The following LRBA variants were observed in gnomAD, a reference collection of about 807,000 sequenced individuals.
LRBA encodes LPS responsive beige-like anchor protein.
A neutral mutation model predicts 330.0 loss-of-function variants in LRBA; 176 were observed. That is an observed-to-expected ratio of 0.53 (90% CI 0.47 to 0.60). LRBA has a LOEUF of 0.60. Ranked by LOEUF, LRBA falls within the 20% of genes least tolerant of loss-of-function variation. The pLI is 0.00. For synonymous variants in LRBA, 1,230 were observed against 1,193.0 expected, an observed-to-expected ratio of 1.03 and a Z score of -0.64; for missense variants, 3,259 against 3,444.8, an observed-to-expected ratio of 0.95 and a Z score of 1.35.
chr4:150,284,127 A>G lies in LRBA; in HGVS notation c.8120-1481T>C, dbSNP rs1416752533. 2.2e-4 allele frequency among the ~76,000 whole-genome samples: 33 copies of G among 152,212 alleles called. 1 individual carries two copies. Among genetic ancestry groups the G allele is most frequent in the Admixed American group, 2.2e-3 (33 of 15,272 alleles). On this transcript the variant is annotated intron_variant, in intron 54 of 56. Transcript: ENST00000651943. The stretch of plus-strand genomic sequence containing the variant: ...TGCCTGTGGGATGCTGACCCTGCTG[A>G]GACACTGTAGATATGCAGCCAGGAA...
chr4:150,406,660 T>C (rs377665373), intron 47 of LRBA, among the ~76,000 whole-genome samples: 3 of 152,146 alleles, frequency 2.0e-5, no homozygotes, highest in Non-Finnish European at 4.4e-5. Context: ...TATAAACATA[T>C]ATGCACTGTG....
chr4:150,803,037 A>C (rs1291851728), intron 33 of LRBA, among the ~76,000 whole-genome samples: 1 of 147,848 alleles, frequency 6.8e-6, no homozygotes, highest in African/African-American at 2.5e-5. Context: ...AAAAAAAAAA[A>C]AAAAACTAAA....
chr4:150,290,046 T>TC (rs577723393), intron 53 of LRBA, among the ~76,000 whole-genome samples: 45 of 152,266 alleles, frequency 3.0e-4, no homozygotes, highest in South Asian at 1.5e-3. Flanking sequence ...AGTGACAACA[T>TC]CCCACAGAAA....
chr4:150,357,229 G>C (rs1737968504), intron 47 of LRBA, among the ~76,000 whole-genome samples: 1 of 152,000 alleles, frequency 6.6e-6, no homozygotes, highest in African/African-American at 2.4e-5. Flanking sequence ...ATCGTATCTT[G>C]ATATAACTAT....
chr4:150,506,218 C>G (rs1044721997), intron 40 of LRBA, among the ~76,000 whole-genome samples: 1 of 152,220 alleles, frequency 6.6e-6, no homozygotes, highest in Non-Finnish European at 1.5e-5. Context: ...TCCTCCCTAA[C>G]TCATTTTATG....
Position 150,590,901 on chromosome 4 carries a change from A to G in LRBA, c.6047-42T>C, listed in dbSNP as rs751171955. 2.5e-6 allele frequency: 4 copies of G among 1,600,416 alleles called. No individual in the cohort carries two copies. The Admixed American group carries it at 6.8e-5, about 27-fold the overall frequency. On this transcript the variant is annotated intron_variant, in intron 38 of 56. Transcript: ENST00000651943. ...ACAAAGCTGTCCATCAGTTCTGGGAAGAGCACTTCGGCAGAGGGGTAGGGG... is the reference window on the plus strand; with the variant it reads ...ACAAAGCTGTCCATCAGTTCTGGGAGGAGCACTTCGGCAGAGGGGTAGGGG...
chr4:150,355,093 G>A (rs1005298094), intron 47 of LRBA, among the ~76,000 whole-genome samples: 2 of 151,758 alleles, frequency 1.3e-5, no homozygotes, highest in Non-Finnish European at 2.9e-5. Context: ...CTATAGTGGA[G>A]TCAAAAAATG....
At chr4:150,376,395 A>G (rs534607021) in intron 47 of LRBA, among the ~76,000 whole-genome samples, 2 of 152,360 alleles carry the variant, frequency 1.3e-5, no homozygotes, top group South Asian at 4.1e-4. Flanking sequence ...TCGCCTAAAT[A>G]AAATAAAACC....
chr4:150,379,515 C>T (rs1274475165), intron 47 of LRBA, among the ~76,000 whole-genome samples: 1 of 151,970 alleles, frequency 6.6e-6, no homozygotes. Context: ...GCTGGGTTCA[C>T]ATTGAGAAAA....
At chr4:151,011,562 C>G (rs1744840546) in intron 2 of LRBA, among the ~76,000 whole-genome samples, 1 of 145,488 alleles carries the variant, frequency 6.9e-6, no homozygotes, top group Non-Finnish European at 1.5e-5. Context: ...TGCACCACTG[C>G]ACTCCAGCCT....
chr4:150,803,075 A>ATATATAT (rs1553964880), intron 33 of LRBA, among the ~76,000 whole-genome samples: 8 of 129,884 alleles, frequency 6.2e-5, no homozygotes, highest in Admixed American at 1.7e-4. Context: ...ACAAAAAAAA[A>ATATATAT]ATATATATAC....
chr4:150,472,044 T>C (rs922032926), intron 42 of LRBA, among the ~76,000 whole-genome samples: 3 of 152,042 alleles, frequency 2.0e-5, no homozygotes, highest in Admixed American at 6.6e-5. Context: ...TTTAATGATA[T>C]AAAAAGAAGA....
intron 36 of LRBA, among the ~76,000 whole-genome samples, chr4:150,718,238 T>A (rs1728488250): frequency 6.6e-6 from 1 of 151,322 alleles, no homozygotes; most frequent in Non-Finnish European, 1.5e-5. Flanking sequence ...AAGCATGCAA[T>A]GAACTAAATA....
chr4:150,635,002 C>CG (rs1561450439), intron 37 of LRBA, among the ~76,000 whole-genome samples: 1 of 152,134 alleles, frequency 6.6e-6, no homozygotes, highest in Admixed American at 6.5e-5. Flanking sequence ...TCTGCCTAAG[C>CG]GGGGGATTTA....
At chr4:150,977,210 C>T (rs941188767) in intron 2 of LRBA, among the ~76,000 whole-genome samples, 1 of 152,196 alleles carries the variant, frequency 6.6e-6, no homozygotes, top group Non-Finnish European at 1.5e-5. Context: ...AAAGTGACTC[C>T]TTCCATCAGC....
chr4:150,952,380 CAAT>C (rs1384537227), intron 2 of LRBA, among the ~76,000 whole-genome samples: 1 of 151,804 alleles, frequency 6.6e-6, no homozygotes, highest in Non-Finnish European at 1.5e-5. Context: ...GAAGGGCAGA[CAAT>C]AAACTATTAA....
chr4:150,570,085 T>G (rs572085878), intron 40 of LRBA, among the ~76,000 whole-genome samples: 2 of 152,268 alleles, frequency 1.3e-5, no homozygotes, highest in African/African-American at 4.8e-5. Flanking sequence ...ATGTAAAAGA[T>G]GGTTCAAGAA....
chr4:150,349,917 G>C, intron 48 of LRBA, 75 bp downstream of exon 48: 1 of 1,260,608 alleles, frequency 7.9e-7, no homozygotes, highest in Non-Finnish European at 1.1e-6. Flanking sequence ...TCAAAGGATG[G>C]GGGAGGTGTT....
At chr4:150,885,081 G>T (rs1261860645) in intron 17 of LRBA, among the ~76,000 whole-genome samples, 1 of 149,326 alleles carries the variant, frequency 6.7e-6, no homozygotes. Flanking sequence ...TGAATTCAAA[G>T]ATAAATCAAT....
Sources: gnomAD v4.1 joint callset for allele counts (sites outside exome capture counted in the v4.1 genomes callset) on GRCh38, gnomAD v4.1.1 for gene constraint, MANE v1.5 for transcripts, NCBI Gene and HGNC (gene_info 2026-07-23, HGNC 2026-07-21) for gene names.